Variants in GLDC observed in about 807,000 individuals in gnomAD.
GLDC encodes glycine decarboxylase.
In GLDC, 104 loss-of-function variants were observed where a neutral mutation model predicts 121.3. That is an observed-to-expected ratio of 0.86 (90% CI 0.73 to 1.01). The LOEUF (loss-of-function observed/expected upper bound fraction) is 1.01, where lower values mean the gene tolerates loss of function less well. Among genes scored for constraint, GLDC ranks in the 50% least tolerant of loss-of-function variants. The pLI is 0.00. For missense variants in GLDC, 1,429 were observed against 1,306.6 expected, an observed-to-expected ratio of 1.09 and a Z score of -1.44; for synonymous variants, 546 against 480.6, an observed-to-expected ratio of 1.14 and a Z score of -1.78.
chr9:6,620,370 C>A (rs367767523), intron 2 of GLDC, 51 bp from the exon 3 acceptor site: 2 of 1,490,988 alleles, frequency 1.3e-6, no homozygotes, highest in African/African-American at 2.8e-5. Flanking sequence ...CAGAAAAGAG[C>A]TCTAATTACA....
intron 24 of GLDC, among the ~76,000 whole-genome samples, chr9:6,534,495 C>G (rs988474619): frequency 5.3e-5 from 8 of 151,964 alleles, no homozygotes; most frequent in Non-Finnish European, 1.2e-4. Flanking sequence ...TTCCCCCACT[C>G]TGTTCCCTAT....
At chr9:6,574,396 G>C (rs935048389) in intron 15 of GLDC, among the ~76,000 whole-genome samples, 1 of 151,784 alleles carries the variant, frequency 6.6e-6, no homozygotes, top group Admixed American at 6.6e-5. Flanking sequence ...GAACCTGGGA[G>C]GTGGAGGTTG....
intron 2 of GLDC, among the ~76,000 whole-genome samples, chr9:6,632,944 G>C (rs1196472654): frequency 6.6e-6 from 1 of 151,804 alleles, no homozygotes; most frequent in Admixed American, 6.6e-5. Context: ...CAGGCCGATC[G>C]AGGGTCCTCG....
rs7041127 is a variant in GLDC, at chr9:6,612,613, C to T, written c.471-2257G>A. On this transcript the variant is annotated intron_variant, in intron 3 of 24. Coordinates refer to ENST00000321612, the MANE Select transcript of GLDC (RefSeq NM_000170.3). ...CAGTGGCTCATGCCTGTAAGTAATCCCAGCACGTTGGGAGGCTGAGGAGGC... is the reference window on the plus strand; with the variant it reads ...CAGTGGCTCATGCCTGTAAGTAATCTCAGCACGTTGGGAGGCTGAGGAGGC... Among the ~76,000 whole-genome samples the T allele has an allele frequency of 6.2e-3, 936 of 152,048 alleles. 13 individuals carry two copies. The highest frequency in any genetic ancestry group is 0.022 in the African/African-American group (905 of 41,444).
chr9:6,604,347 T>C (rs1253747164), intron 7 of GLDC, among the ~76,000 whole-genome samples: 1 of 152,234 alleles, frequency 6.6e-6, no homozygotes. Context: ...GCAAATGCGT[T>C]ACATGACTTC....
chr9:6,563,411 G>A (rs1290699855), intron 16 of GLDC, among the ~76,000 whole-genome samples: 1 of 152,220 alleles, frequency 6.6e-6, no homozygotes, highest in Non-Finnish European at 1.5e-5. Context: ...GAGGAGTCGG[G>A]TGGAGATGTC....
chr9:6,600,496 A>T (rs1818583463), intron 8 of GLDC, among the ~76,000 whole-genome samples: 1 of 151,844 alleles, frequency 6.6e-6, no homozygotes, highest in South Asian at 2.1e-4. Context: ...GGCCAACATG[A>T]TGAAACCTGC....
chr9:6,550,456 G>A (rs992921647), intron 21 of GLDC, among the ~76,000 whole-genome samples: 1 of 152,058 alleles, frequency 6.6e-6, no homozygotes, highest in African/African-American at 2.4e-5. Context: ...GTGAAACCCT[G>A]TCTCTACTAA....
chr9:6,602,818 A>G (rs78880284), intron 7 of GLDC, among the ~76,000 whole-genome samples: 1 of 152,250 alleles, frequency 6.6e-6, no homozygotes, highest in Admixed American at 6.5e-5. Context: ...AAAAGTGGAA[A>G]TATACGACAA....
intron 17 of GLDC, among the ~76,000 whole-genome samples, chr9:6,556,517 G>A (rs1292294607): frequency 6.6e-6 from 1 of 152,210 alleles, no homozygotes; most frequent in Non-Finnish European, 1.5e-5. Flanking sequence ...TCCTGGCTGG[G>A]TGTGGTGGCT....
At chr9:6,581,616 C>T (rs1295499079) in intron 15 of GLDC, among the ~76,000 whole-genome samples, 1 of 152,148 alleles carries the variant, frequency 6.6e-6, no homozygotes, top group African/African-American at 2.4e-5. Flanking sequence ...TCTCATGGGT[C>T]AGGTCAAGGC....
At position 6,533,209 on chromosome 9, in the gene GLDC, C is replaced by G. The variant is rs372606760; in HGVS notation, c.2920-49G>C. ...TGCTGTGAGATGTTCTGGGAGGTTT[C>G]TCTTAGGGCAAAGGAGGTGGCAATG... On this transcript the variant is annotated intron_variant, in intron 24 of 24. Coordinates refer to ENST00000321612, the MANE Select transcript of GLDC (RefSeq NM_000170.3). The G allele has an allele frequency of 3.1e-5, 49 of 1,568,776 alleles. No individual in the cohort carries two copies. The African/African-American group carries it at 6.1e-4, about 19-fold the overall frequency.
intron 8 of GLDC, among the ~76,000 whole-genome samples, chr9:6,598,950 GCGGGC>G (rs1172049651): frequency 3.3e-5 from 5 of 152,166 alleles, no homozygotes. Flanking sequence ...GGAGGCCAAG[GCGGGC>G]GGATCACCTG....
intron 7 of GLDC, among the ~76,000 whole-genome samples, chr9:6,603,391 C>T (rs901884321): frequency 5.3e-5 from 8 of 151,778 alleles, no homozygotes; most frequent in South Asian, 2.1e-4. Context: ...CTGGGGTGGG[C>T]AGATCACTTG....
At chr9:6,573,075 C>T (rs879910615) in intron 15 of GLDC, among the ~76,000 whole-genome samples, 7 of 152,166 alleles carry the variant, frequency 4.6e-5, no homozygotes, top group East Asian at 1.9e-4. Flanking sequence ...GGACATAATG[C>T]TATCTATTTC....
intron 2 of GLDC, among the ~76,000 whole-genome samples, chr9:6,622,381 G>A (rs1391722170): frequency 6.7e-6 from 1 of 148,278 alleles, no homozygotes; most frequent in African/African-American, 2.5e-5. Flanking sequence ...GCCTGCGATT[G>A]CAGGCACGCG....
intron 2 of GLDC, chr9:6,639,650 T>C: frequency 5.3e-6 from 2 of 373,942 alleles, no homozygotes; most frequent in South Asian, 2.8e-5. Context: ...TATATATATC[T>C]TTTCACCATA....
At chr9:6,538,279 G>C (rs2026972) in intron 22 of GLDC, among the ~76,000 whole-genome samples, 34,823 of 151,962 alleles carry the variant, frequency 0.23, 4,858 homozygotes, top group Non-Finnish European at 0.3. Flanking sequence ...GATTCAGGAA[G>C]TCCAAGGTAG....
At chr9:6,537,421 A>G (rs1271110546) in intron 22 of GLDC, among the ~76,000 whole-genome samples, 2 of 152,214 alleles carry the variant, frequency 1.3e-5, no homozygotes. Flanking sequence ...GAGCATCATT[A>G]TTACATGGAG....
Sources: allele counts gnomAD v4.1 joint callset (sites outside exome capture counted in the v4.1 genomes callset), GRCh38; gene constraint gnomAD v4.1.1; transcripts MANE v1.5; gene names NCBI Gene and HGNC (gene_info 2026-07-23, HGNC 2026-07-21).